DOCK11: variants seen among roughly 807,000 people sequenced by gnomAD.
The protein encoded by DOCK11 is dedicator of cytokinesis protein 11.
Under a neutral mutation model 169.1 loss-of-function variants are expected in DOCK11, and 70 were observed. That is an observed-to-expected ratio of 0.41 (90% confidence interval 0.34 to 0.51). The LOEUF (loss-of-function observed/expected upper bound fraction) is 0.51. Among genes scored for constraint, DOCK11 ranks in the 20% least tolerant of loss-of-function variants. DOCK11 has a pLI of 0.10. For synonymous variants in DOCK11, 529 were observed against 541.3 expected (o/e 0.98, Z 0.32); for missense variants, 1,166 against 1,538.8 (o/e 0.76, Z 4.05).
intron 1 of DOCK11, among the ~76,000 whole-genome samples, chrX:118,516,093 C>CTTTTTTTT (rs773184047): frequency 4.2e-4 from 23 of 54,989 alleles, no homozygotes; most frequent in East Asian, 1.1e-3. Flanking sequence ...TTTTCTTTTT[C>CTTTTTTTT]TTTTTTTTTT....
Position 118,588,467 on chromosome X carries a change from A to G in DOCK11, c.2035A>G (p.Ser679Gly). ...CCGGGATTCAGATGAAAGTGACGCTAGTGCCCTAAAGGTTTGTTTATGATA... is the reference window on the plus strand; with the variant it reads ...CCGGGATTCAGATGAAAGTGACGCTGGTGCCCTAAAGGTTTGTTTATGATA... Reference protein sequence around the residue: ...EFRDSDESDASALKCIYGKPA... With the variant: ...EFRDSDESDAGALKCIYGKPA... Residue 679 changes from serine to glycine, a missense_variant, in exon 18 of 53, where the codon AGT becomes GGT. Ser to Gly is a moderately conservative substitution (Grantham distance 56, BLOSUM62 0). Coordinates refer to ENST00000276202, the MANE Select transcript of DOCK11 (RefSeq NM_144658.4). The G allele has an allele frequency of 8.4e-7, 1 of 1,186,448 alleles. No homozygotes were observed. Among genetic ancestry groups the G allele is most frequent in the South Asian group, 1.9e-5 (1 of 52,092 alleles).
At chrX:118,586,329 G>GGGA (rs1205843211) in intron 16 of DOCK11, among the ~76,000 whole-genome samples, 2 of 111,175 alleles carry the variant, frequency 1.8e-5, no homozygotes, top group East Asian at 5.6e-4. Context: ...TGTATGGCTG[G>GGGA]GGAGGCCTCA....
chrX:118,647,749 A>T (rs754381204), intron 40 of DOCK11, among the ~76,000 whole-genome samples: 3 of 50,957 alleles, frequency 5.9e-5, no homozygotes, highest in African/African-American at 9.1e-5. Flanking sequence ...TATAATATAT[A>T]ATAATATATA....
chrX:118,592,219 C>T (rs1364662429), intron 19 of DOCK11, among the ~76,000 whole-genome samples: 2 of 110,273 alleles, frequency 1.8e-5, no homozygotes, highest in Non-Finnish European at 3.8e-5. Flanking sequence ...CCGACTTCCA[C>T]AATGGTTGAA....
intron 27 of DOCK11, among the ~76,000 whole-genome samples, 196 bp downstream of exon 27, chrX:118,609,545 A>C (rs778519237): frequency 8.6e-4 from 97 of 112,300 alleles, no homozygotes; most frequent in South Asian, 5.5e-3. Flanking sequence ...CTATTGCATA[A>C]ATCTGAGGTC....
At chrX:118,583,150 C>A (rs971509070) in intron 14 of DOCK11, among the ~76,000 whole-genome samples, 9 of 111,173 alleles carry the variant, frequency 8.1e-5, no homozygotes, top group African/African-American at 3.0e-4. Flanking sequence ...AAGCTAGGAA[C>A]CTTCATTCTC....
intron 1 of DOCK11, among the ~76,000 whole-genome samples, chrX:118,538,875 A>G (rs1394141393): frequency 8.9e-6 from 1 of 112,385 alleles, no homozygotes; most frequent in East Asian, 2.8e-4. Context: ...AGAAAGTTAG[A>G]TAAGGGATAT....
intron 41 of DOCK11, 122 bp downstream of exon 41, chrX:118,649,249 C>A: frequency 2.0e-6 from 1 of 505,729 alleles, no homozygotes; most frequent in Non-Finnish European, 3.1e-6. Context: ...TGATGTGTGG[C>A]TAGTCTAAAT....
chrX:118,607,064 C>T (rs957173580), intron 24 of DOCK11, among the ~76,000 whole-genome samples: 4 of 104,490 alleles, frequency 3.8e-5, no homozygotes, highest in Admixed American at 2.1e-4. Flanking sequence ...TTTCCTTTTC[C>T]TTTTCCTTTC....
intron 23 of DOCK11, 84 bp downstream of exon 23, chrX:118,599,312 CA>C: frequency 1.4e-6 from 1 of 703,664 alleles, no homozygotes; most frequent in South Asian, 2.7e-5. Flanking sequence ...AAAAAGCAAA[CA>C]GACAGTTTAA....
rs898906224 is a variant in DOCK11 at position 118,634,382 on chromosome X, G to A, written c.3887-1964G>A. On this transcript the variant is annotated intron_variant, in intron 35 of 52. Transcript: ENST00000276202. ...ACAACAGTGCCGTTAAGAAAATGGC[G>A]GACTTGCAGTGGATTGGAGCTAGTT... Among the ~76,000 whole-genome samples, 44 of 112,605 alleles carry A rather than the reference G, an allele frequency of 3.9e-4. No individual in the cohort carries two copies. In the Admixed American group the frequency reaches 4.0e-3, roughly 10 times the overall value.
At chrX:118,588,037 C>G (rs891623968) in intron 16 of DOCK11, 100 bp from the exon 17 acceptor site, 43 of 779,650 alleles carry the variant, frequency 5.5e-5, no homozygotes, top group Non-Finnish European at 7.1e-5. Context: ...TTTTAAATCG[C>G]TCTTTGAGAA....
intron 6 of DOCK11, among the ~76,000 whole-genome samples, chrX:118,549,391 A>G (rs12353593): frequency 0.14 from 15,234 of 108,932 alleles, 2,610 homozygotes; most frequent in African/African-American, 0.47. Context: ...TGATCCACCT[A>G]CCTCAGCCTC....
chrX:118,518,987 C>A (rs2057706344), intron 1 of DOCK11, among the ~76,000 whole-genome samples: 1 of 111,133 alleles, frequency 9.0e-6, no homozygotes, highest in Admixed American at 9.6e-5. Context: ...TTTTTTTTGT[C>A]AAAAAATATC....
intron 31 of DOCK11, among the ~76,000 whole-genome samples, chrX:118,622,937 C>T (rs752516315): frequency 8.9e-6 from 1 of 112,029 alleles, no homozygotes; most frequent in South Asian, 3.7e-4. Context: ...GTTAAAAGGC[C>T]GGGAGCGGTG....
At chrX:118,618,518 A>G in intron 30 of DOCK11, 32 bp from the exon 31 acceptor site, 1 of 1,093,262 alleles carries the variant, frequency 9.1e-7, no homozygotes, top group Non-Finnish European at 1.2e-6. Context: ...GAATATTTTC[A>G]TAAATGGGTT....
intron 1 of DOCK11, among the ~76,000 whole-genome samples, chrX:118,503,930 A>T (rs766302329): frequency 1.8e-5 from 2 of 111,222 alleles, no homozygotes; most frequent in Non-Finnish European, 3.8e-5. Context: ...CCTTGGGCAG[A>T]TCCCACTCTG....
Position 118,641,296 on chromosome X carries a change from G to C in DOCK11, c.4251G>C (p.Gln1417His). 4 of 1,168,122 alleles carry C rather than the reference G, an allele frequency of 3.4e-6. No individual in the cohort carries two copies. The highest frequency in any genetic ancestry group is 3.5e-6 in the Non-Finnish European group (3 of 858,452). ...TAGACACCATATCATTTTTCACTCA[G>C]TGCTTCAAGGTAAAAATGAAGAGTT... is the stretch of plus-strand genomic sequence containing the variant. ...TVLDTISFFT[Q>H]CFKTQLLNND... Residue 1417 changes from glutamine to histidine, a missense_variant, in exon 39 of 53, where the codon CAG (glutamine) becomes CAC (histidine). Coordinates refer to ENST00000276202, the MANE Select transcript of DOCK11 (RefSeq NM_144658.4).
chrX:118,648,476 A>G (rs2015852919), intron 40 of DOCK11, among the ~76,000 whole-genome samples: 1 of 96,881 alleles, frequency 1.0e-5, no homozygotes, highest in Admixed American at 1.3e-4. Flanking sequence ...ATATATTATT[A>G]TATAATAATA....
Sources: allele counts gnomAD v4.1 joint callset (sites outside exome capture counted in the v4.1 genomes callset), GRCh38; gene constraint gnomAD v4.1.1; transcripts MANE v1.5; gene names NCBI Gene and HGNC (gene_info 2026-07-23, HGNC 2026-07-21).